Variants in ITPR3 observed in about 807,000 individuals in gnomAD.
ITPR3 encodes the protein inositol 1,4,5-trisphosphate-gated calcium channel ITPR3.
In ITPR3, 173 loss-of-function variants were observed where a neutral mutation model predicts 293.2. The ratio of observed to expected loss-of-function variants is 0.59; its 90% confidence interval spans 0.52 to 0.67. The LOEUF (loss-of-function observed/expected upper bound fraction) is 0.67. ITPR3 is among the 30% of genes least tolerant of loss of function. ITPR3 has a pLI of 0.00. For synonymous variants in ITPR3, 1,295 were observed against 1,444.4 expected, an observed-to-expected ratio of 0.90 and a Z score of 2.35; for missense variants, 2,796 against 3,592.1, an observed-to-expected ratio of 0.78 and a Z score of 5.66.
rs747271318 is a variant in ITPR3 at position 33,685,505 on chromosome 6, C to T, written c.5454C>T (p.Asp1818=). The change falls in exon 40 of 58, where the codon GAC becomes GAT. Residue 1818 remains aspartate, a synonymous_variant. Coordinates refer to ENST00000605930, the MANE Select transcript of ITPR3 (RefSeq NM_002224.4). The part of the protein sequence containing the change: ...MNDLGSQPHE[D]REPVDPTTKG... ...ACCTGGGCAGCCAGCCACATGAGGA[C>T]CGCGAGCCAGTCGACCCCACCACCA... 2.1e-5 allele frequency: 34 copies of T among 1,612,868 alleles called. No homozygotes were observed. The Middle Eastern group carries it at 9.9e-4, about 47-fold the overall frequency.
At position 33,621,472 on chromosome 6, in the gene ITPR3, C is replaced by T; in HGVS notation, c.-131C>T. ...CCCGTGGCCGCCAGCCCGCCCCGGC[C>T]GCACCGAGCGTCGGGATCCGAGGTG... On this transcript the variant is annotated 5_prime_UTR_variant, in exon 1 of 58. Transcript: ENST00000605930. The surrounding 1 kb of genome is among the most constrained non-coding windows in gnomAD (Gnocchi z 7.7). The T allele has an allele frequency of 1.7e-6, 1 of 592,434 alleles. No homozygotes were observed. Among genetic ancestry groups the T allele is most frequent in the Non-Finnish European group, 2.9e-6 (1 of 349,978 alleles). The allele number at this position is 592,434 out of a possible 1,614,324, so 36.7% of individuals were successfully genotyped here. A position where few individuals can be genotyped will look rare whatever the true frequency, so the allele number is the denominator to read the frequency against.
At position 33,684,818 on chromosome 6, in the gene ITPR3, C is replaced by A; in HGVS notation, c.5182C>A (p.Leu1728Met). Residue 1728 changes from leucine (L) to methionine (M), a missense_variant, in exon 39 of 58, where the codon CTG becomes ATG. Physicochemically the swap from Leu to Met is conservative, Grantham distance 15. Around this residue, in one of 8 missense-constraint regions of ITPR3, gnomAD observed 704 missense variants for 797.5 expected, o/e 0.88. Coordinates refer to ENST00000605930, the MANE Select transcript of ITPR3 (RefSeq NM_002224.4). This position sits in a 1 kb window ranked among gnomAD's most constrained non-coding sequence, Gnocchi z 4.2. ...WSAIAATQCR[L>M]DKEGATKLVC... Reference sequence around the variant, plus strand: ...GGCAATCGCAGCCACCCAGTGCCGGCTGGACAAGGAGGGGGCCACCAAGTT... The same window carrying A: ...GGCAATCGCAGCCACCCAGTGCCGGATGGACAAGGAGGGGGCCACCAAGTT... 1 of 1,613,776 alleles carries A rather than the reference C, an allele frequency of 6.2e-7. No homozygotes were observed. The highest frequency in any genetic ancestry group is 8.5e-7 in the Non-Finnish European group (1 of 1,179,844).
chr6:33,658,630 TGTGGCGCG>T lies in ITPR3; in HGVS notation c.370-36_370-29del, dbSNP rs770877795. ...ATCCCCTCCCTAATGGGCCGACTCC[TGTGGCGCG>T]GTGACCTTCCCGCACCCCACCTGAC... On this transcript the variant is annotated intron_variant, in intron 4 of 57. Coordinates refer to ENST00000605930, the MANE Select transcript of ITPR3 (RefSeq NM_002224.4). This position sits in a 1 kb window ranked among gnomAD's most constrained non-coding sequence, Gnocchi z 6.1. 1 of 1,608,550 alleles carries T rather than the reference TGTGGCGCG, an allele frequency of 6.2e-7. No individual in the cohort carries two copies. The highest frequency in any genetic ancestry group is 8.5e-7 in the Non-Finnish European group (1 of 1,176,174).
chr6:33,688,686 G>C lies in ITPR3; in HGVS notation c.6599G>C (p.Arg2200Pro). The C allele has an allele frequency of 6.2e-7, 1 of 1,614,168 alleles. No homozygotes were observed. Among genetic ancestry groups the C allele is most frequent in the Non-Finnish European group, 8.5e-7 (1 of 1,180,006 alleles). Residue 2200 changes from arginine to proline, a missense_variant, in exon 49 of 58, where the codon CGC (arginine) becomes CCC (proline). Around this residue, in one of 8 missense-constraint regions of ITPR3, gnomAD observed 568 missense variants for 796.1 expected, o/e 0.71. Transcript: ENST00000605930. Reference sequence around the variant, plus strand: ...CCGCTGATCTACTGGTTCTCCCGCCGCATGACCCTGTGGGGCAGCATCTCC... The same window carrying C: ...CCGCTGATCTACTGGTTCTCCCGCCCCATGACCCTGTGGGGCAGCATCTCC... ...SMPLIYWFSRRMTLWGSISFN... is the reference protein window; with the variant it reads ...SMPLIYWFSRPMTLWGSISFN...
chr6:33,639,303 CG>C (rs1322063445), intron 1 of ITPR3, among the ~76,000 whole-genome samples: 1 of 147,884 alleles, frequency 6.8e-6, no homozygotes, highest in South Asian at 2.2e-4. Flanking sequence ...TGCTTGAACC[CG>C]GGGGGCAGAG....
chr6:33,654,480 A>C lies in ITPR3; in HGVS notation c.161-1286A>C, dbSNP rs1331934765. On this transcript the variant is annotated intron_variant, in intron 2 of 57. Transcript: ENST00000605930. The surrounding 1 kb of genome is among the most constrained non-coding windows in gnomAD (Gnocchi z 4.1). Reference sequence around the variant, plus strand: ...TTGATCTTTGGTTCACTCTGTTTCTACTCCCGATGGTCCCATGGAGCTTTT... The same window carrying C: ...TTGATCTTTGGTTCACTCTGTTTCTCCTCCCGATGGTCCCATGGAGCTTTT... Among the ~76,000 whole-genome samples the C allele has an allele frequency of 6.6e-6, 1 of 151,742 alleles. No homozygotes were observed. Among genetic ancestry groups the C allele is most frequent in the Non-Finnish European group, 1.5e-5 (1 of 67,958 alleles).
chr6:33,692,625 G>A lies in ITPR3; in HGVS notation c.7459-103G>A, dbSNP rs555515716. ...AGGCCCTCATTTCCTTCTGCTAGGG[G>A]CTGGGTCCTCAATATCACAGCCCTG... On this transcript the variant is annotated intron_variant, in intron 54 of 57. Transcript: ENST00000605930. The surrounding 1 kb of genome is among the most constrained non-coding windows in gnomAD (Gnocchi z 4.2). 8 of 1,149,926 alleles carry A rather than the reference G, an allele frequency of 7.0e-6. No individual in the cohort carries two copies. The African/African-American group carries it at 1.1e-4, about 15-fold the overall frequency. 71.2% of individuals were successfully genotyped at this position (1,149,926 alleles called of 1,614,324 possible).
chr6:33,675,627 C>T lies in ITPR3; in HGVS notation c.3117-64C>T, dbSNP rs1203119441. ...AGTGTGCTTGTGCCAGGGCCCCTTA[C>T]CCACCACGGACAGCAGGGAGTGTGC... On this transcript the variant is annotated intron_variant, in intron 24 of 57. Coordinates refer to ENST00000605930, the MANE Select transcript of ITPR3 (RefSeq NM_002224.4). This position sits in a 1 kb window ranked among gnomAD's most constrained non-coding sequence, Gnocchi z 5.0. 5 of 1,508,394 alleles carry T rather than the reference C, an allele frequency of 3.3e-6. No homozygotes were observed. The Admixed American group carries it at 8.3e-5, about 25-fold the overall frequency. 93.4% of individuals were successfully genotyped at this position (1,508,394 alleles called of 1,614,324 possible).
chr6:33,665,255 C>A (rs1327038535), intron 13 of ITPR3, 42 bp downstream of exon 13: 4 of 1,589,628 alleles, frequency 2.5e-6, no homozygotes, highest in Non-Finnish European at 3.4e-6. Flanking sequence ...TGATCTTGCC[C>A]TCCCAGGGCC....
Position 33,683,216 on chromosome 6 carries a change from G to C in ITPR3, c.4607G>C (p.Arg1536Pro). Residue 1536 changes from arginine (R) to proline (P), a missense_variant, in exon 35 of 58, where the codon CGG becomes CCG. This residue lies in a region of ITPR3 where 704 missense variants were observed against 797.5 expected (regional missense o/e 0.88). Transcript: ENST00000605930. This position sits in a 1 kb window ranked among gnomAD's most constrained non-coding sequence, Gnocchi z 4.5. ...CTCCCTTCCCACCCAGCCAAGGGCC[G>C]GGCCATCTTGCTGCCCATGGACCTG... Reference protein sequence around the residue: ...IRTLAMVAKGRAILLPMDLDA... With the variant: ...IRTLAMVAKGPAILLPMDLDA... The C allele has an allele frequency of 6.5e-7, 1 of 1,529,608 alleles. No homozygotes were observed. The highest frequency in any genetic ancestry group is 1.2e-5 in the South Asian group (1 of 81,270). 94.8% of individuals were successfully genotyped at this position (1,529,608 alleles called of 1,614,324 possible). A position where few individuals can be genotyped will look rare whatever the true frequency, so the allele number is the denominator to read the frequency against.
At chr6:33,650,626 T>C (rs2127250304) in intron 2 of ITPR3, among the ~76,000 whole-genome samples, 2 of 152,348 alleles carry the variant, frequency 1.3e-5, no homozygotes, top group South Asian at 4.1e-4. Flanking sequence ...TGTTATGGTT[T>C]CATTAATTCT....
In ITPR3 at chr6:33,672,176, A is replaced by G. The variant is rs781639713; in HGVS notation, c.2876A>G (p.Asn959Ser). Residue 959 changes from asparagine (N) to serine (S), a missense_variant, in exon 22 of 58, where the codon AAT becomes AGT. Asn to Ser is a conservative substitution (Grantham distance 46, BLOSUM62 1). Coordinates refer to ENST00000605930, the MANE Select transcript of ITPR3 (RefSeq NM_002224.4). This position sits in a 1 kb window ranked among gnomAD's most constrained non-coding sequence, Gnocchi z 5.0. ...CTGGACAGAAGCAAGTTTGAGGAGA[A>G]TGAGGACATTGTGGTGATGGAGACC... ...EPLDRSKFEE[N>S]EDIVVMETKL... 4 of 1,609,022 alleles carry G rather than the reference A, an allele frequency of 2.5e-6. No individual in the cohort carries two copies. The highest frequency in any genetic ancestry group is 2.5e-6 in the Non-Finnish European group (3 of 1,176,976).
At position 33,691,583 on chromosome 6, in the gene ITPR3, C is replaced by A. The variant is rs78427571; in HGVS notation, c.7226-32C>A. On this transcript the variant is annotated intron_variant, in intron 52 of 57. Coordinates refer to ENST00000605930, the MANE Select transcript of ITPR3 (RefSeq NM_002224.4). This position sits in a 1 kb window ranked among gnomAD's most constrained non-coding sequence, Gnocchi z 4.9. ...CCAGGGGATAAGGCCAGGCACTGGA[C>A]CTCCTGATGATCTCATCCATATCCC... 7.9e-4 allele frequency: 1,249 copies of A among 1,577,556 alleles called. 15 individuals carry two copies. The African/African-American group carries it at 0.016, about 20-fold the overall frequency.
intron 2 of ITPR3, among the ~76,000 whole-genome samples, chr6:33,653,744 C>T (rs919330671): frequency 3.9e-5 from 6 of 152,224 alleles, no homozygotes; most frequent in African/African-American, 1.4e-4. Context: ...GTTCTGCTCA[C>T]TAAGTGCCAC....
At chr6:33,643,570 C>T (rs1184192763) in intron 2 of ITPR3, among the ~76,000 whole-genome samples, 3 of 152,236 alleles carry the variant, frequency 2.0e-5, no homozygotes, top group Non-Finnish European at 4.4e-5. Context: ...GCCGTGAGTC[C>T]CGAGCTGCTG....
In ITPR3 at chr6:33,674,564, A is replaced by G. The variant is rs147075463; in HGVS notation, c.3116+299A>G. ...CAGCTGGAACAACGTCCCCAGTCCCACAGCAGGGCGGAAGTGTGGGGACAT... is the reference window on the plus strand; with the variant it reads ...CAGCTGGAACAACGTCCCCAGTCCCGCAGCAGGGCGGAAGTGTGGGGACAT... On this transcript the variant is annotated intron_variant, in intron 24 of 57. Transcript: ENST00000605930. Among the ~76,000 whole-genome samples, 1,050 of 152,312 alleles carry G rather than the reference A, an allele frequency of 6.9e-3. 14 individuals carry two copies. The highest frequency in any genetic ancestry group is 0.024 in the African/African-American group (1,004 of 41,572).
chr6:33,692,050 C>T lies in ITPR3; in HGVS notation c.7458+122C>T. 1.5e-6 allele frequency: 2 copies of T among 1,293,416 alleles called. No individual in the cohort carries two copies. Among genetic ancestry groups the T allele is most frequent in the African/African-American group, 1.4e-5 (1 of 69,330 alleles). The allele number at this position is 1,293,416 out of a possible 1,614,324, so 80.1% of individuals were successfully genotyped here. A position where few individuals can be genotyped will look rare whatever the true frequency, so the allele number is the denominator to read the frequency against. On this transcript the variant is annotated intron_variant, in intron 54 of 57. Coordinates refer to ENST00000605930, the MANE Select transcript of ITPR3 (RefSeq NM_002224.4). This position sits in a 1 kb window ranked among gnomAD's most constrained non-coding sequence, Gnocchi z 4.2. ...TCAGGGTTGAACCCCCTCCCCCGAACTTGTATCCACTTTTCCCTGCTTTCC... is the reference window on the plus strand; with the variant it reads ...TCAGGGTTGAACCCCCTCCCCCGAATTTGTATCCACTTTTCCCTGCTTTCC...
rs367730873 is a variant in ITPR3 at position 33,668,563 on chromosome 6, C to T, written c.1935C>T (p.Ile645=). 4 of 1,614,116 alleles carry T rather than the reference C, an allele frequency of 2.5e-6. No individual in the cohort carries two copies. The highest frequency in any genetic ancestry group is 1.3e-5 in the African/African-American group (1 of 74,944). The change falls in exon 17 of 58, where the codon ATC becomes ATT. Residue 645 remains isoleucine (I), a synonymous_variant. Transcript: ENST00000605930. ...SDLCVSNHIA[I]PVTQELICKC... Reference sequence around the variant, plus strand: ...TGTGTGTGTCCAACCACATCGCCATCCCCGTCACCCAAGAGCTCATCTGCA... The same window carrying T: ...TGTGTGTGTCCAACCACATCGCCATTCCCGTCACCCAAGAGCTCATCTGCA...
chr6:33,687,056 CAG>C lies in ITPR3; in HGVS notation c.6028_6029del (p.Ser2010Ter). On this transcript the variant is annotated frameshift_variant, in exon 44 of 58. Coordinates refer to ENST00000605930, the MANE Select transcript of ITPR3 (RefSeq NM_002224.4). LOFTEE classifies it high-confidence loss of function. This position sits in a 1 kb window ranked among gnomAD's most constrained non-coding sequence, Gnocchi z 5.3. The part of the protein sequence containing the change: ...LLALMESRHD[S>X]ENAERILISL... Reference sequence around the variant, plus strand: ...TGGCTCTGATGGAGAGCCGGCATGACAGTGAAAATGCTGAGCGAATCCTCATC... The same window carrying C: ...TGGCTCTGATGGAGAGCCGGCATGACTGAAAATGCTGAGCGAATCCTCATC... The C allele has an allele frequency of 6.2e-7, 1 of 1,613,994 alleles. No individual in the cohort carries two copies. The highest frequency in any genetic ancestry group is 1.1e-5 in the South Asian group (1 of 91,080).
Sources: gnomAD v4.1 joint callset for allele counts (sites outside exome capture counted in the v4.1 genomes callset) on GRCh38, gnomAD v4.1.1 for gene constraint, gnomAD v4.1.1 regional missense constraint, Gnocchi (gnomAD v3.1) non-coding constraint, MANE v1.5 for transcripts, NCBI Gene and HGNC (gene_info 2026-07-23, HGNC 2026-07-21) for gene names.